TMEM116: variants seen among roughly 807,000 people sequenced by gnomAD.
TMEM116 encodes the protein transmembrane protein 116.
TMEM116 carries 38 observed loss-of-function variants against 44.3 expected under a neutral mutation model. The observed-to-expected ratio is 0.86, with a 90% confidence interval of 0.66 to 1.12. TMEM116 has a LOEUF of 1.12. Among genes scored for constraint, TMEM116 ranks in the 50% most tolerant of loss-of-function variants. The pLI, the probability that TMEM116 is intolerant of heterozygous loss-of-function variation, is 0.00. For missense variants in TMEM116, 354 were observed against 401.7 expected (o/e 0.88, Z 1.01); for synonymous variants, 132 against 144.8 (o/e 0.91, Z 0.64).
chr12:111,951,833 G>GA (rs900208430), intron 4 of TMEM116, among the ~76,000 whole-genome samples: 13 of 150,592 alleles, frequency 8.6e-5, no homozygotes, highest in East Asian at 2.0e-4. Context: ...AAAAAAAAAG[G>GA]AAAAAAAAAT....
intron 8 of TMEM116, 69 bp from the exon 9 acceptor site, chr12:111,934,099 T>C (rs575704535): frequency 1.3e-6 from 2 of 1,514,770 alleles, no homozygotes; most frequent in Non-Finnish European, 1.8e-6. Flanking sequence ...TATCCTCCTA[T>C]CATTTTAAAA....
chr12:111,999,217 G>T (rs1366950456), intron 3 of TMEM116, among the ~76,000 whole-genome samples: 1 of 147,928 alleles, frequency 6.8e-6, no homozygotes, highest in African/African-American at 2.6e-5. Context: ...ATATACATTT[G>T]TATTTGTCCT....
chr12:112,000,787 A>G (rs2077208465), intron 3 of TMEM116: 5 of 532,936 alleles, frequency 9.4e-6, no homozygotes, highest in Non-Finnish European at 1.5e-5. Flanking sequence ...ACTATTATCA[A>G]TGGCATTCTC....
At chr12:111,954,410 T>G (rs538057874) in intron 4 of TMEM116, among the ~76,000 whole-genome samples, 2 of 152,314 alleles carry the variant, frequency 1.3e-5, no homozygotes, top group South Asian at 4.1e-4. Context: ...ATCCTCTGTT[T>G]GAGGAAGTAG....
At chr12:112,006,904 A>T (rs534442250) in intron 1 of TMEM116, among the ~76,000 whole-genome samples, 37 of 152,334 alleles carry the variant, frequency 2.4e-4, no homozygotes, top group African/African-American at 8.7e-4. Flanking sequence ...ATACATGACT[A>T]ATTTATTCAT....
chr12:111,933,924 C>G lies in TMEM116; in HGVS notation c.695G>C (p.Arg232Pro), dbSNP rs566186086. 6.2e-7 allele frequency: 1 copy of G among 1,614,098 alleles called. No homozygotes were observed. The highest frequency in any genetic ancestry group is 1.1e-5 in the South Asian group (1 of 91,078). Residue 232 changes from arginine to proline, a missense_variant, in exon 9 of 11, where the codon CGC becomes CCC. Transcript: ENST00000552374. ...GCAAAAGAAGGCCACTGGGTAGAAG[C>G]GCACCCGTTGGTCCACAATGTGAAT... ...AVIHIVDQRV[R>P]FYPVAFFCCW...
At chr12:111,982,564 G>A (rs188490958) in intron 4 of TMEM116, among the ~76,000 whole-genome samples, 4 of 152,244 alleles carry the variant, frequency 2.6e-5, no homozygotes, top group Admixed American at 2.6e-4. Context: ...GCCTCCCAAA[G>A]TGCTGGGATT....
intron 4 of TMEM116, among the ~76,000 whole-genome samples, chr12:111,973,609 A>G (rs1408065164): frequency 6.6e-6 from 1 of 152,246 alleles, no homozygotes; most frequent in African/African-American, 2.4e-5. Context: ...CATTTTAAGA[A>G]AGAGCAAATT....
intron 4 of TMEM116, among the ~76,000 whole-genome samples, chr12:111,983,123 T>C (rs1303029135): frequency 6.6e-6 from 1 of 150,894 alleles, no homozygotes; most frequent in African/African-American, 2.4e-5. Flanking sequence ...TAGCGAGACC[T>C]TGTCTATCTC....
intron 4 of TMEM116, among the ~76,000 whole-genome samples, chr12:111,961,139 C>T (rs560148361): frequency 1.3e-5 from 2 of 152,162 alleles, no homozygotes; most frequent in African/African-American, 4.8e-5. Context: ...AGGTGAATCC[C>T]TGAATAGACC....
Position 111,937,180 on chromosome 12 carries a change from T to G in TMEM116, c.429A>C (p.Gln143His). 1 of 1,613,878 alleles carries G rather than the reference T, an allele frequency of 6.2e-7. No individual in the cohort carries two copies. The highest frequency in any genetic ancestry group is 8.5e-7 in the Non-Finnish European group (1 of 1,179,792). ...FCLGNTSECF[Q>H]NFSQSHKCIL... ...CTTACTTGTGGCTCTGACTGAAGTT[T>G]TGGAAACATTCACTAGTATTTCCCA... Residue 143 changes from glutamine to histidine, a missense_variant, in exon 7 of 11, where the codon CAA becomes CAC. Coordinates refer to ENST00000552374, the MANE Select transcript of TMEM116 (RefSeq NM_001193531.2).
rs1000905062 is a variant in TMEM116, at chr12:111,954,211, C to T, written c.211-10842G>A. 2.8e-4 allele frequency among the ~76,000 whole-genome samples: 43 copies of T among 152,094 alleles called. 1 individual carries two copies. Among genetic ancestry groups the T allele is most frequent in the Non-Finnish European group, 1.0e-4 (7 of 68,012 alleles). ...GTAAAATTTAGGCCTTAGAGTTAGG[C>T]AAACTAAGTCCAAAAGGTCACTGAG... On this transcript the variant is annotated intron_variant, in intron 4 of 10. Transcript: ENST00000552374.
chr12:111,996,304 A>G (rs2076929158), intron 3 of TMEM116, among the ~76,000 whole-genome samples: 1 of 152,168 alleles, frequency 6.6e-6, no homozygotes, highest in African/African-American at 2.4e-5. Flanking sequence ...TATTTGTAAC[A>G]CATATAACTG....
At chr12:112,011,592 T>C (rs2077839412) in intron 1 of TMEM116, 1 of 152,278 alleles carries the variant, frequency 6.6e-6, no homozygotes. Context: ...TCAGCCCTAT[T>C]ATGTCCTACT....
intron 3 of TMEM116, chr12:112,003,536 C>A (rs1001295892): frequency 1.0e-5 from 3 of 291,360 alleles, no homozygotes; most frequent in Non-Finnish European, 1.9e-5. Context: ...CCACTGCACT[C>A]CAGCCTGGGT....
chr12:111,957,552 CA>C (rs2074233270), intron 4 of TMEM116, among the ~76,000 whole-genome samples: 1 of 150,712 alleles, frequency 6.6e-6, no homozygotes, highest in African/African-American at 2.4e-5. Flanking sequence ...AGCCCCCGCC[CA>C]GCCAGCCGCC....
At chr12:111,992,473 G>A (rs1257921410) in intron 3 of TMEM116, among the ~76,000 whole-genome samples, 1 of 152,068 alleles carries the variant, frequency 6.6e-6, no homozygotes, top group Non-Finnish European at 1.5e-5. Flanking sequence ...GTTTCACCGT[G>A]TTAGCCAGGA....
intron 1 of TMEM116, among the ~76,000 whole-genome samples, chr12:112,009,497 T>C (rs949240178): frequency 1.5e-5 from 2 of 137,862 alleles, no homozygotes; most frequent in African/African-American, 5.7e-5. Context: ...TGCAAACAAT[T>C]AGAAAAAAAG....
intron 3 of TMEM116, among the ~76,000 whole-genome samples, chr12:111,999,219 A>G (rs572139253): frequency 6.8e-6 from 1 of 147,270 alleles, no homozygotes; most frequent in African/African-American, 2.7e-5. Context: ...ATACATTTGT[A>G]TTTGTCCTTT....
Sources: gnomAD v4.1 joint callset for allele counts (sites outside exome capture counted in the v4.1 genomes callset) on GRCh38, gnomAD v4.1.1 for gene constraint, MANE v1.5 for transcripts, NCBI Gene and HGNC (gene_info 2026-07-23, HGNC 2026-07-21) for gene names.